The following KCTD8 variants were observed in gnomAD, a reference collection of about 807,000 sequenced individuals.
The protein encoded by KCTD8 is potassium channel tetramerization domain containing 8.
In KCTD8, 27 loss-of-function variants were observed where a neutral mutation model predicts 31.5. The ratio of observed to expected loss-of-function variants is 0.86; its 90% confidence interval spans 0.63 to 1.18. KCTD8 has a LOEUF of 1.18. Ranked by LOEUF, KCTD8 falls within the 50% of genes most tolerant of loss-of-function variation. The pLI is 0.00. For missense variants in KCTD8, 658 were observed against 647.7 expected, an observed-to-expected ratio of 1.02 and a Z score of -0.17; for synonymous variants, 290 against 280.0, an observed-to-expected ratio of 1.04 and a Z score of -0.36.
At chr4:44,311,723 A>C (rs907972924) in intron 1 of KCTD8, among the ~76,000 whole-genome samples, 5 of 151,958 alleles carry the variant, frequency 3.3e-5, no homozygotes, top group Non-Finnish European at 5.9e-5. Flanking sequence ...CAAGTGATTC[A>C]GGTTCTGAAA....
At chr4:44,291,829 A>G (rs1323218888) in intron 1 of KCTD8, among the ~76,000 whole-genome samples, 1 of 152,066 alleles carries the variant, frequency 6.6e-6, no homozygotes, top group Non-Finnish European at 1.5e-5. Context: ...AAGAACAGAC[A>G]TTTCTCAAAC....
At chr4:44,180,735 G>A (rs1299678809) in intron 1 of KCTD8, among the ~76,000 whole-genome samples, 4 of 152,128 alleles carry the variant, frequency 2.6e-5, no homozygotes, top group East Asian at 1.9e-4. Context: ...TGTTGGTCAG[G>A]TAACCTCTCT....
At position 44,448,665 on chromosome 4, in the gene KCTD8, C is replaced by T. The variant is rs534474412; in HGVS notation, c.-142G>A. Reference sequence around the variant, plus strand: ...TTCCTCCGACCGGGGCGGCCCCGCTCAGGGTTCGGGGCAGCGGCGGCGTCG... The same window carrying T: ...TTCCTCCGACCGGGGCGGCCCCGCTTAGGGTTCGGGGCAGCGGCGGCGTCG... On this transcript the variant is annotated 5_prime_UTR_variant, in exon 1 of 2. An upstream open reading frame in the 5' UTR loses its in-frame stop. Coordinates refer to ENST00000360029, the MANE Select transcript of KCTD8 (RefSeq NM_198353.3). The surrounding 1 kb of genome is among the most constrained non-coding windows in gnomAD (Gnocchi z 4.1). 2.2e-5 allele frequency: 20 copies of T among 926,318 alleles called. No individual in the cohort carries two copies. The East Asian group carries it at 3.0e-4, about 14-fold the overall frequency. The allele number at this position is 926,318 out of a possible 1,614,324, so 57.4% of individuals were successfully genotyped here.
In KCTD8 at chr4:44,174,854, G is replaced by A; in HGVS notation, c.1358C>T (p.Pro453Leu). ...CIQDFKKIHI[P>L]DYFPERKRQW... ...GCGTTTGCGCTCTGGAAAATAATCTGGAATGTGGATTTTTTTAAAATCCTG... is the reference window on the plus strand; with the variant it reads ...GCGTTTGCGCTCTGGAAAATAATCTAGAATGTGGATTTTTTTAAAATCCTG... The change falls in exon 2 of 2, where the codon CCA becomes CTA. Residue 453 changes from proline to leucine, a missense_variant. By Grantham distance (98) the Pro-to-Leu change is moderately conservative. Coordinates refer to ENST00000360029, the MANE Select transcript of KCTD8 (RefSeq NM_198353.3). 1 of 1,613,882 alleles carries A rather than the reference G, an allele frequency of 6.2e-7. No homozygotes were observed.
intron 1 of KCTD8, among the ~76,000 whole-genome samples, chr4:44,283,801 G>C (rs1361954927): frequency 4.6e-5 from 7 of 152,206 alleles, no homozygotes. Context: ...AAATCAATGT[G>C]CAAAAATCAC....
intron 1 of KCTD8, among the ~76,000 whole-genome samples, chr4:44,339,205 C>T (rs924464261): frequency 1.3e-5 from 2 of 152,052 alleles, no homozygotes; most frequent in Admixed American, 6.6e-5. Context: ...GAGTCAAAGA[C>T]AACAAAGAAT....
intron 1 of KCTD8, among the ~76,000 whole-genome samples, chr4:44,284,614 G>C (rs1717001436): frequency 6.6e-6 from 1 of 152,130 alleles, no homozygotes; most frequent in Admixed American, 6.6e-5. Context: ...AGCAAAAATT[G>C]ACAAATGGGA....
chr4:44,234,764 G>A (rs1715226402), intron 1 of KCTD8, among the ~76,000 whole-genome samples: 1 of 152,124 alleles, frequency 6.6e-6, no homozygotes, highest in Non-Finnish European at 1.5e-5. Flanking sequence ...TTATAGATAA[G>A]GTTCCCACCC....
chr4:44,357,617 A>C (rs754741660), intron 1 of KCTD8, among the ~76,000 whole-genome samples: 8 of 152,190 alleles, frequency 5.3e-5, no homozygotes, highest in Non-Finnish European at 1.2e-4. Flanking sequence ...AAGTTCATGA[A>C]TAACTCTGCT....
chr4:44,443,426 T>C (rs1319314141), intron 1 of KCTD8, among the ~76,000 whole-genome samples: 3 of 152,370 alleles, frequency 2.0e-5, no homozygotes, highest in Admixed American at 6.5e-5. Context: ...CAGGATTGAA[T>C]AGCTGTTTGA....
chr4:44,447,523 G>A (rs1485914187), intron 1 of KCTD8, 40 bp downstream of exon 1: 3 of 1,488,940 alleles, frequency 2.0e-6, no homozygotes, highest in Non-Finnish European at 2.7e-6. Context: ...GCTCAGCAGG[G>A]GGCGAGGGGT....
intron 1 of KCTD8, among the ~76,000 whole-genome samples, chr4:44,360,926 A>C (rs1719477165): frequency 6.6e-6 from 1 of 151,918 alleles, no homozygotes; most frequent in Non-Finnish European, 1.5e-5. Flanking sequence ...AGTTTTCTCA[A>C]ATGCTCTTTT....
intron 1 of KCTD8, among the ~76,000 whole-genome samples, chr4:44,332,776 T>C (rs1417970407): frequency 6.6e-6 from 1 of 152,062 alleles, no homozygotes; most frequent in African/African-American, 2.4e-5. Context: ...AATGTTTCCA[T>C]TTTTATAGTA....
intron 1 of KCTD8, among the ~76,000 whole-genome samples, chr4:44,299,758 T>A (rs1456866657): frequency 6.7e-6 from 1 of 149,680 alleles, no homozygotes; most frequent in Non-Finnish European, 1.5e-5. Context: ...TTAGGTGATT[T>A]TTTTTTTCCT....
intron 1 of KCTD8, among the ~76,000 whole-genome samples, chr4:44,445,733 T>A (rs1311122741): frequency 1.3e-5 from 2 of 152,168 alleles, no homozygotes; most frequent in African/African-American, 4.8e-5. Context: ...GCTTGTATCT[T>A]CTCTAACAAA....
intron 1 of KCTD8, among the ~76,000 whole-genome samples, chr4:44,206,971 G>C (rs1714333879): frequency 6.6e-6 from 1 of 152,076 alleles, no homozygotes; most frequent in Non-Finnish European, 1.5e-5. Context: ...CTATTTGTTG[G>C]GTCCTTTTAA....
chr4:44,437,750 G>T (rs780154325), intron 1 of KCTD8, among the ~76,000 whole-genome samples: 4 of 152,014 alleles, frequency 2.6e-5, no homozygotes, highest in Non-Finnish European at 5.9e-5. Flanking sequence ...TGAAAAAGAC[G>T]ATCAATTTCT....
At chr4:44,389,945 G>T (rs137911948) in intron 1 of KCTD8, among the ~76,000 whole-genome samples, 126 of 151,794 alleles carry the variant, frequency 8.3e-4, no homozygotes, top group African/African-American at 2.9e-3. Context: ...TTTGAGAATT[G>T]TCTGTTCATG....
rs1395811557 is a variant in KCTD8 at position 44,448,360 on chromosome 4, T to G, written c.164A>C (p.Tyr55Ser). 17 of 1,593,306 alleles carry G rather than the reference T, an allele frequency of 1.1e-5. No individual in the cohort carries two copies. Among genetic ancestry groups the G allele is most frequent in the Non-Finnish European group, 1.5e-5 (17 of 1,170,690 alleles). ...GAGCAGCGTCGAGTGCTTGGTCACA[T>G]AAACCTGGCCGCCTACGTTCAGCTC... ...VVELNVGGQV[Y>S]VTKHSTLLSV... Residue 55 changes from tyrosine (Y) to serine (S), a missense_variant, in exon 1 of 2, where the codon TAT becomes TCT. Tyr to Ser is a moderately radical substitution (Grantham distance 144, BLOSUM62 -2). Transcript: ENST00000360029. The surrounding 1 kb of genome is among the most constrained non-coding windows in gnomAD (Gnocchi z 4.1).
Sources: gnomAD v4.1 joint callset for allele counts (sites outside exome capture counted in the v4.1 genomes callset) on GRCh38, gnomAD v4.1.1 for gene constraint, Gnocchi (gnomAD v3.1) non-coding constraint, MANE v1.5 for transcripts, NCBI Gene and HGNC (gene_info 2026-07-23, HGNC 2026-07-21) for gene names.